The following PEX5L variants were observed in gnomAD, a reference collection of about 807,000 sequenced individuals.
The protein encoded by PEX5L is PEX5-related protein.
A neutral mutation model predicts 84.0 loss-of-function variants in PEX5L; 30 were observed. That is an observed-to-expected ratio of 0.36 (90% CI 0.27 to 0.48). The LOEUF (loss-of-function observed/expected upper bound fraction) is 0.48. Ranked by LOEUF, PEX5L falls within the 20% of genes least tolerant of loss-of-function variation. The pLI is 0.99. For synonymous variants in PEX5L, 270 were observed against 283.1 expected, an observed-to-expected ratio of 0.95 and a Z score of 0.46; for missense variants, 533 against 754.6, an observed-to-expected ratio of 0.71 and a Z score of 3.44.
chr3:179,934,308 T>G (rs956473805), intron 2 of PEX5L, among the ~76,000 whole-genome samples: 1 of 152,222 alleles, frequency 6.6e-6, no homozygotes, highest in Non-Finnish European at 1.5e-5. Flanking sequence ...GGAAAGATTA[T>G]GTGTACTGAA....
chr3:180,022,994 C>T (rs1026421410), intron 1 of PEX5L, among the ~76,000 whole-genome samples: 3 of 152,200 alleles, frequency 2.0e-5, no homozygotes, highest in Non-Finnish European at 4.4e-5. Flanking sequence ...AAGGCCACCG[C>T]AATGTCCAGA....
At chr3:179,942,814 A>T (rs781366269) in intron 2 of PEX5L, among the ~76,000 whole-genome samples, 1 of 152,230 alleles carries the variant, frequency 6.6e-6, no homozygotes, top group Non-Finnish European at 1.5e-5. Context: ...CGCAGCTTTC[A>T]GATTGATCTT....
chr3:179,988,094 A>G (rs1252931766), intron 1 of PEX5L, among the ~76,000 whole-genome samples: 1 of 152,076 alleles, frequency 6.6e-6, no homozygotes, highest in Non-Finnish European at 1.5e-5. Flanking sequence ...GTTCATTAGT[A>G]ATTTTGTAGT....
chr3:179,855,619 A>G (rs147734857), intron 8 of PEX5L, among the ~76,000 whole-genome samples: 1 of 152,304 alleles, frequency 6.6e-6, no homozygotes, highest in African/African-American at 2.4e-5. Context: ...GTGTTCCCTC[A>G]AATTCGTATG....
intron 8 of PEX5L, among the ~76,000 whole-genome samples, chr3:179,836,300 C>A (rs1242163105): frequency 6.6e-6 from 1 of 152,136 alleles, no homozygotes; most frequent in Non-Finnish European, 1.5e-5. Flanking sequence ...AAGTGCTCAA[C>A]AAACATTAGA....
At chr3:179,930,556 C>T (rs749319483) in intron 2 of PEX5L, among the ~76,000 whole-genome samples, 2 of 152,172 alleles carry the variant, frequency 1.3e-5, no homozygotes, top group Non-Finnish European at 2.9e-5. Context: ...ATTGGCACTA[C>T]CCCTGAGACT....
chr3:180,012,387 T>C (rs1789566866), intron 1 of PEX5L, among the ~76,000 whole-genome samples: 1 of 152,190 alleles, frequency 6.6e-6, no homozygotes, highest in Non-Finnish European at 1.5e-5. Context: ...TCTTGCTTTT[T>C]ATGGGAAAGA....
intron 8 of PEX5L, among the ~76,000 whole-genome samples, chr3:179,848,565 A>G (rs1259158969): frequency 1.3e-5 from 2 of 151,790 alleles, no homozygotes; most frequent in East Asian, 1.9e-4. Context: ...AAAAAAAAAA[A>G]AAAAGAAAAG....
intron 3 of PEX5L, among the ~76,000 whole-genome samples, chr3:179,894,197 C>G (rs1231752095): frequency 6.6e-6 from 1 of 152,026 alleles, no homozygotes; most frequent in Non-Finnish European, 1.5e-5. Flanking sequence ...AATATAGTGA[C>G]CATACAGTGA....
intron 1 of PEX5L, among the ~76,000 whole-genome samples, chr3:179,979,616 A>C (rs6764609): frequency 0.21 from 31,445 of 152,040 alleles, 3,667 homozygotes; most frequent in East Asian, 0.54. Flanking sequence ...TTGACGTATT[A>C]TCTTGGATCC....
chr3:179,863,886 T>C (rs1420018827), intron 7 of PEX5L, among the ~76,000 whole-genome samples: 2 of 152,126 alleles, frequency 1.3e-5, no homozygotes, highest in African/African-American at 4.8e-5. Flanking sequence ...AATTCCCACA[T>C]GTTGTGGGAG....
intron 3 of PEX5L, 55 bp from the exon 4 acceptor site, chr3:179,887,839 T>C (rs142151386): frequency 3.6e-6 from 4 of 1,116,976 alleles, no homozygotes; most frequent in Non-Finnish European, 4.1e-6. Context: ...CAGAGTCAGA[T>C]GAATTAAAAT....
At position 179,811,888 on chromosome 3, in the gene PEX5L, A is replaced by C; in HGVS notation, c.1084-17T>G. ...CTGCCATGCCTACGAAAGACAACTG[A>C]TGTTAACATTGCAAGATGAAGCAGA... On this transcript the variant is annotated splice_polypyrimidine_tract_variant and intron_variant, in intron 10 of 14. Coordinates refer to ENST00000467460, the MANE Select transcript of PEX5L (RefSeq NM_016559.3). The C allele has an allele frequency of 6.2e-7, 1 of 1,600,940 alleles. No homozygotes were observed. The highest frequency in any genetic ancestry group is 8.6e-7 in the Non-Finnish European group (1 of 1,167,964).
At chr3:180,014,057 C>G (rs1423704548) in intron 1 of PEX5L, among the ~76,000 whole-genome samples, 1 of 152,174 alleles carries the variant, frequency 6.6e-6, no homozygotes, top group Non-Finnish European at 1.5e-5. Context: ...GGGAGTAATG[C>G]ATCCATGCTC....
intron 7 of PEX5L, among the ~76,000 whole-genome samples, chr3:179,871,787 A>G (rs547355419): frequency 1.7e-4 from 26 of 152,318 alleles, no homozygotes; most frequent in African/African-American, 6.0e-4. Context: ...CCGTAGCTTC[A>G]CTGGAGTCTT....
intron 7 of PEX5L, among the ~76,000 whole-genome samples, chr3:179,861,558 G>A (rs1746135865): frequency 6.6e-6 from 1 of 152,208 alleles, no homozygotes; most frequent in African/African-American, 2.4e-5. Flanking sequence ...GGGCTTGCAG[G>A]AGCATCAGCG....
intron 1 of PEX5L, among the ~76,000 whole-genome samples, chr3:179,988,686 G>A (rs1417668454): frequency 6.6e-6 from 1 of 152,182 alleles, no homozygotes; most frequent in African/African-American, 2.4e-5. Context: ...ACTTGCTGGT[G>A]CTCAGTTGTC....
intron 1 of PEX5L, among the ~76,000 whole-genome samples, chr3:179,988,875 T>C (rs571674449): frequency 2.0e-5 from 3 of 152,212 alleles, no homozygotes; most frequent in African/African-American, 7.2e-5. Flanking sequence ...AAGTTGGGCA[T>C]TGTAAAGAAA....
intron 2 of PEX5L, among the ~76,000 whole-genome samples, chr3:179,909,869 G>A (rs193274602): frequency 7.8e-4 from 119 of 152,264 alleles, no homozygotes; most frequent in Non-Finnish European, 1.4e-3. Context: ...GGCCTCTGAA[G>A]AAACCAACCC....
Sources: allele counts gnomAD v4.1 joint callset (sites outside exome capture counted in the v4.1 genomes callset), GRCh38; gene constraint gnomAD v4.1.1; transcripts MANE v1.5; gene names NCBI Gene and HGNC (gene_info 2026-07-23, HGNC 2026-07-21).